GINS4: variants seen among roughly 807,000 people sequenced by gnomAD.
GINS4 encodes GINS complex subunit 4.
GINS4 carries 20 observed loss-of-function variants against 31.1 expected under a neutral mutation model. The observed-to-expected ratio is 0.64, with a 90% CI of 0.45 to 0.93. The LOEUF is 0.93. Ranked by LOEUF, GINS4 falls within the 40% of genes least tolerant of loss-of-function variation. The pLI, the probability that GINS4 is intolerant of heterozygous loss-of-function variation, is 0.00. For missense variants in GINS4, 245 were observed against 273.9 expected (o/e 0.89, Z 0.75); for synonymous variants, 85 against 97.9 (o/e 0.87, Z 0.78).
chr8:41,539,701 C>T lies in GINS4; in HGVS notation c.321C>T (p.Val107=), dbSNP rs1228577317. 4 of 1,613,694 alleles carry T rather than the reference C, an allele frequency of 2.5e-6. No homozygotes were observed. In the Admixed American group the frequency reaches 6.7e-5, roughly 27 times the overall value. Residue 107 remains valine (V), a synonymous_variant, in exon 5 of 8, where the codon GTC becomes GTT. Transcript: ENST00000276533. ...LMKIEKFFPH[V]LEKEKTRPEG... The stretch of plus-strand genomic sequence containing the variant: ...AGATAGAGAAGTTTTTCCCTCATGT[C>T]CTTGAGAAGGAAAAAACACGTCCTG...
chr8:41,536,024 G>T (rs1203453128), intron 2 of GINS4, among the ~76,000 whole-genome samples: 5 of 152,126 alleles, frequency 3.3e-5, no homozygotes. Context: ...GCTGCCTGGG[G>T]GAACAGTGTG....
At chr8:41,540,287 G>A in intron 6 of GINS4, 1 of 470,706 alleles carries the variant, frequency 2.1e-6, no homozygotes. Context: ...GTAGCCATCT[G>A]CTGAGCCTCT....
At chr8:41,536,206 G>C (rs1184915545) in intron 2 of GINS4, among the ~76,000 whole-genome samples, 154 bp from the exon 3 acceptor site, 2 of 152,232 alleles carry the variant, frequency 1.3e-5, no homozygotes, top group Non-Finnish European at 2.9e-5. Flanking sequence ...GCTAAACGTA[G>C]TTTGTCTTCA....
Position 41,532,401 on chromosome 8 carries a change from T to A in GINS4, c.96+2103T>A, listed in dbSNP as rs184714824. Among the ~76,000 whole-genome samples, 62 of 151,088 alleles carry A rather than the reference T, an allele frequency of 4.1e-4. No homozygotes were observed. In the Middle Eastern group the frequency reaches 0.014, roughly 33 times the overall value. On this transcript the variant is annotated intron_variant, in intron 2 of 7. Transcript: ENST00000276533. ...TGAGCAATATAAAGTATGGCAAGAA[T>A]GTAGAGCAGCTGAGCGCAGTGGCTC...
At position 41,539,930 on chromosome 8, in the gene GINS4, C is replaced by G; in HGVS notation, c.410C>G (p.Thr137Arg). The change falls in exon 6 of 8, where the codon ACA becomes AGA. Residue 137 changes from threonine to arginine, a missense_variant. Transcript: ENST00000276533. ...ATGTCTTTCAGGTTCATGGCGAACA[C>G]AGAGTCCTATCTGAAAAATGTCGCC... ...LAFAREFMANTESYLKNVALK... is the reference protein window; with the variant it reads ...LAFAREFMANRESYLKNVALK... 6.2e-7 allele frequency: 1 copy of G among 1,614,130 alleles called. No homozygotes were observed. Among genetic ancestry groups the G allele is most frequent in the Non-Finnish European group, 8.5e-7 (1 of 1,179,960 alleles).
At chr8:41,533,565 GTC>G (rs1806685915) in intron 2 of GINS4, among the ~76,000 whole-genome samples, 1 of 152,220 alleles carries the variant, frequency 6.6e-6, no homozygotes, top group Non-Finnish European at 1.5e-5. Flanking sequence ...GCCAGATCCT[GTC>G]TCTTATGCTG....
intron 4 of GINS4, among the ~76,000 whole-genome samples, chr8:41,539,477 C>T (rs1806798507): frequency 6.6e-6 from 1 of 152,068 alleles, no homozygotes; most frequent in Non-Finnish European, 1.5e-5. Flanking sequence ...CGTCCCCTAG[C>T]CCCAGGTCCA....
At chr8:41,541,248 T>A (rs996993851) in intron 6 of GINS4, among the ~76,000 whole-genome samples, 2 of 152,004 alleles carry the variant, frequency 1.3e-5, no homozygotes, top group Non-Finnish European at 2.9e-5. Context: ...ATTTTTAAAA[T>A]TTTTTTGTGG....
chr8:41,540,080 T>G, intron 6 of GINS4, 76 bp downstream of exon 6: 1 of 1,033,740 alleles, frequency 9.7e-7, no homozygotes. Flanking sequence ...CTTCACTGTT[T>G]TTACCCAAAT....
chr8:41,534,368 C>A, intron 2 of GINS4: 1 of 208,324 alleles, frequency 4.8e-6, no homozygotes, highest in Non-Finnish European at 1.0e-5. Flanking sequence ...TATCATGCCA[C>A]TGTGTGACCA....
chr8:41,531,857 C>G (rs1806651891), intron 2 of GINS4, among the ~76,000 whole-genome samples: 1 of 152,220 alleles, frequency 6.6e-6, no homozygotes, highest in African/African-American at 2.4e-5. Context: ...GTGGTGTGAT[C>G]TTGGTTCACT....
intron 4 of GINS4, among the ~76,000 whole-genome samples, chr8:41,538,195 G>C (rs534117067): frequency 2.0e-5 from 3 of 152,160 alleles, no homozygotes; most frequent in South Asian, 2.1e-4. Context: ...CAGTCTCCTC[G>C]AAGTCTTCTC....
intron 2 of GINS4, among the ~76,000 whole-genome samples, chr8:41,530,699 T>C (rs1806636625): frequency 6.6e-6 from 1 of 152,318 alleles, no homozygotes; most frequent in Non-Finnish European, 1.5e-5. Context: ...GTCATATTTT[T>C]CCTTTTTCTC....
chr8:41,542,323 G>T lies in GINS4; in HGVS notation c.*236G>T, dbSNP rs1806856884. The T allele has an allele frequency of 9.4e-6, 5 of 530,844 alleles. No individual in the cohort carries two copies. The highest frequency in any genetic ancestry group is 1.7e-5 in the Non-Finnish European group (5 of 293,080). 32.9% of individuals were successfully genotyped at this position (530,844 alleles called of 1,614,324 possible). A position where few individuals can be genotyped will look rare whatever the true frequency, so the allele number is the denominator to read the frequency against. On this transcript the variant is annotated 3_prime_UTR_variant, in exon 8 of 8. Transcript: ENST00000276533. ...CGCTTGAACCTGGGAGCAGGAGGTT[G>T]CAGTGAGCCGAGGTCGTGCCATTGC... is the stretch of plus-strand genomic sequence containing the variant.
chr8:41,539,628 T>G (rs767696329), intron 4 of GINS4, 50 bp from the exon 5 acceptor site: 1 of 1,288,378 alleles, frequency 7.8e-7, no homozygotes. Context: ...CACATCCTTC[T>G]CTTTGACTTT....
intron 4 of GINS4, among the ~76,000 whole-genome samples, chr8:41,538,654 G>T (rs1007558935): frequency 2.0e-5 from 3 of 151,800 alleles, no homozygotes; most frequent in Non-Finnish European, 4.4e-5. Context: ...TAATGTATTA[G>T]CTGTCTCTTA....
chr8:41,539,954 C>T lies in GINS4; in HGVS notation c.434C>T (p.Ala145Val), dbSNP rs1394150464. Reference sequence around the variant, plus strand: ...ACAGAGTCCTATCTGAAAAATGTCGCCTTGAAGCACATGCCCCCTAACTTA... The same window carrying T: ...ACAGAGTCCTATCTGAAAAATGTCGTCTTGAAGCACATGCCCCCTAACTTA... ...ANTESYLKNV[A>V]LKHMPPNLQK... The change falls in exon 6 of 8, where the codon GCC becomes GTC. Residue 145 changes from alanine (A) to valine (V), a missense_variant. Coordinates refer to ENST00000276533, the MANE Select transcript of GINS4 (RefSeq NM_032336.3). The T allele has an allele frequency of 6.2e-7, 1 of 1,614,042 alleles. No individual in the cohort carries two copies. The highest frequency in any genetic ancestry group is 8.5e-7 in the Non-Finnish European group (1 of 1,180,016).
chr8:41,538,151 C>T (rs1806774477), intron 4 of GINS4: 1 of 152,184 alleles, frequency 6.6e-6, no homozygotes, highest in Non-Finnish European at 1.5e-5. Flanking sequence ...ATCTCTTCTA[C>T]ATGAGAATGC....
chr8:41,535,445 T>C (rs565674221), intron 2 of GINS4, among the ~76,000 whole-genome samples: 1 of 152,000 alleles, frequency 6.6e-6, no homozygotes, highest in Middle Eastern at 3.2e-3. Context: ...ATTATGCAGG[T>C]TTTTTTTGTT....
Sources: gnomAD v4.1 joint callset for allele counts (sites outside exome capture counted in the v4.1 genomes callset) on GRCh38, gnomAD v4.1.1 for gene constraint, MANE v1.5 for transcripts, NCBI Gene and HGNC (gene_info 2026-07-23, HGNC 2026-07-21) for gene names.